AR: variants seen among roughly 807,000 people sequenced by gnomAD.
AR encodes androgen receptor.
Under a neutral mutation model 53.9 loss-of-function variants are expected in AR, and 8 were observed. The ratio of observed to expected loss-of-function variants is 0.15; its 90% CI spans 0.09 to 0.27. The LOEUF is 0.27. AR is among the 10% of genes least tolerant of loss of function. AR has a pLI of 1.00. For missense variants in AR, 639 were observed against 742.5 expected (o/e 0.86, Z 1.62); for synonymous variants, 359 against 316.4 (o/e 1.13, Z -1.43).
At chrX:67,564,856 T>C (rs1453568728) in intron 1 of AR, among the ~76,000 whole-genome samples, 2 of 112,034 alleles carry the variant, frequency 1.8e-5, no homozygotes, top group African/African-American at 6.5e-5. Flanking sequence ...CTGTTCATTA[T>C]AGGTACACAT....
chrX:67,552,294 G>A (rs1028921375), intron 1 of AR, among the ~76,000 whole-genome samples: 2 of 111,946 alleles, frequency 1.8e-5, no homozygotes, highest in African/African-American at 6.5e-5. Context: ...TTTGTGACTA[G>A]CTTCTTTCAC....
chrX:67,680,198 T>A (rs2075925017), intron 2 of AR, among the ~76,000 whole-genome samples: 1 of 112,348 alleles, frequency 8.9e-6, no homozygotes, highest in South Asian at 3.7e-4. Context: ...TTCCATATAC[T>A]GTGTCTGGTT....
At chrX:67,571,008 A>G (rs1921789573) in intron 1 of AR, among the ~76,000 whole-genome samples, 1 of 110,638 alleles carries the variant, frequency 9.0e-6, no homozygotes, top group African/African-American at 3.3e-5. Flanking sequence ...GTTTAGCAGG[A>G]CCAGATCTTT....
rs1268520388 is a variant in AR, at chrX:67,726,806, T to C, written c.*2965T>C. 1 of 173,505 alleles carries C rather than the reference T, an allele frequency of 5.8e-6. No homozygotes were observed. The highest frequency in any genetic ancestry group is 1.1e-5 in the Non-Finnish European group (1 of 91,064). The allele number at this position is 173,505 out of a possible 1,213,427, so 14.3% of individuals were successfully genotyped here. ...GACAGAAGTCTCATTTTGCATGCGC[T>C]CTGCTCTACAAACAGAGTTGGTATG... is the stretch of plus-strand genomic sequence containing the variant. On this transcript the variant is annotated 3_prime_UTR_variant, in exon 8 of 8. Transcript: ENST00000374690.
In AR at chrX:67,726,587, C is replaced by T. The variant is rs995293390; in HGVS notation, c.*2746C>T. The T allele has an allele frequency of 5.7e-6, 1 of 175,605 alleles. No individual in the cohort carries two copies. The allele number at this position is 175,605 out of a possible 1,213,427, so 14.5% of individuals were successfully genotyped here. A position where few individuals can be genotyped will look rare whatever the true frequency, so the allele number is the denominator to read the frequency against. ...AGTGAAACAGCAGTGTAATTAAAAG[C>T]AACAACTGGATTACTCCAAATTTCC... On this transcript the variant is annotated 3_prime_UTR_variant, in exon 8 of 8. Coordinates refer to ENST00000374690, the MANE Select transcript of AR (RefSeq NM_000044.6).
intron 1 of AR, among the ~76,000 whole-genome samples, chrX:67,605,171 G>T (rs1412835291): frequency 8.9e-6 from 1 of 112,641 alleles, no homozygotes; most frequent in African/African-American, 3.2e-5. Context: ...GGTAACTGGA[G>T]AGTGTTTTTT....
At chrX:67,711,363 C>G in intron 3 of AR, 39 bp from the exon 4 acceptor site, 1 of 1,165,018 alleles carries the variant, frequency 8.6e-7, no homozygotes, top group Non-Finnish European at 1.2e-6. Context: ...TGTTTTTGAC[C>G]ACTGATGATA....
At chrX:67,671,232 G>T (rs1359366327) in intron 2 of AR, among the ~76,000 whole-genome samples, 2 of 111,793 alleles carry the variant, frequency 1.8e-5, no homozygotes, top group Non-Finnish European at 3.8e-5. Flanking sequence ...GTGTAAAAGC[G>T]TTCCTATTTC....
intron 1 of AR, among the ~76,000 whole-genome samples, chrX:67,582,349 T>C (rs936253225): frequency 6.3e-5 from 7 of 111,964 alleles, no homozygotes; most frequent in Admixed American, 4.7e-4. Context: ...ACAGTATCTC[T>C]GCATCACATT....
chrX:67,604,352 T>A (rs2147379593), intron 1 of AR, among the ~76,000 whole-genome samples: 1 of 109,163 alleles, frequency 9.2e-6, no homozygotes, highest in Admixed American at 9.8e-5. Context: ...TTAAAGGTGT[T>A]GATCTGTTCC....
At position 67,586,769 on chromosome X, in the gene AR, A is replaced by G. The variant is rs184463082; in HGVS notation, c.1616+40007A>G. Among the ~76,000 whole-genome samples, 128 of 112,041 alleles carry G rather than the reference A, an allele frequency of 1.1e-3. No homozygotes were observed. In the Middle Eastern group the frequency reaches 0.019, roughly 16 times the overall value. ...AGTTCTTGTATGTTGAGTTCAGTGT[A>G]AGAGTGGCCCCAAACATAGTTAATG... On this transcript the variant is annotated intron_variant, in intron 1 of 7. Transcript: ENST00000374690.
chrX:67,652,628 G>A (rs1229509044), intron 2 of AR, among the ~76,000 whole-genome samples: 1 of 111,595 alleles, frequency 9.0e-6, no homozygotes, highest in Non-Finnish European at 1.9e-5. Context: ...CTGCCTAATA[G>A]CTAATTAGCA....
At chrX:67,615,743 A>G (rs962294121) in intron 1 of AR, among the ~76,000 whole-genome samples, 2 of 111,837 alleles carry the variant, frequency 1.8e-5, no homozygotes, top group Non-Finnish European at 3.8e-5. Flanking sequence ...TAAAATGTAA[A>G]AGAGGGGAGT....
intron 2 of AR, among the ~76,000 whole-genome samples, chrX:67,660,108 A>G (rs919814353): frequency 6.3e-5 from 7 of 111,298 alleles, no homozygotes; most frequent in East Asian, 2.8e-4. Context: ...TAGATTCTGG[A>G]TATTACCCTT....
At chrX:67,614,668 G>C (rs1184946209) in intron 1 of AR, among the ~76,000 whole-genome samples, 1 of 110,712 alleles carries the variant, frequency 9.0e-6, no homozygotes, top group Non-Finnish European at 1.9e-5. Flanking sequence ...AAAATTTTGA[G>C]GCATGCAAAG....
intron 1 of AR, among the ~76,000 whole-genome samples, chrX:67,624,034 C>G (rs748819932): frequency 9.0e-6 from 1 of 110,707 alleles, no homozygotes; most frequent in Non-Finnish European, 1.9e-5. Flanking sequence ...TGTCTTCACA[C>G]GGCAGCAGGA....
rs2076154439 is a variant in AR, at chrX:67,725,596, A to G, written c.*1755A>G. The G allele has an allele frequency of 5.7e-6, 1 of 175,589 alleles. No homozygotes were observed. The highest frequency in any genetic ancestry group is 8.0e-5 in the East Asian group (1 of 12,424). 14.5% of individuals were successfully genotyped at this position (175,589 alleles called of 1,213,427 possible). On this transcript the variant is annotated 3_prime_UTR_variant, in exon 8 of 8. Transcript: ENST00000374690. ...AGGAGACTCTGACTACTGAATTAAA[A>G]TCTTCAGCGGCAAAGCCTAAAGCCA...
At chrX:67,555,823 G>C (rs2147332307) in intron 1 of AR, among the ~76,000 whole-genome samples, 1 of 112,351 alleles carries the variant, frequency 8.9e-6, no homozygotes, top group East Asian at 2.8e-4. Flanking sequence ...GATTTCCCTG[G>C]GAATGGTGAG....
chrX:67,590,746 C>T (rs72627668), intron 1 of AR, among the ~76,000 whole-genome samples: 1 of 111,747 alleles, frequency 8.9e-6, no homozygotes, highest in East Asian at 2.8e-4. Context: ...TTCTCCTTTC[C>T]AGACTATCCT....
Sources: gnomAD v4.1 joint callset for allele counts (sites outside exome capture counted in the v4.1 genomes callset) on GRCh38, gnomAD v4.1.1 for gene constraint, MANE v1.5 for transcripts, NCBI Gene and HGNC (gene_info 2026-07-23, HGNC 2026-07-21) for gene names.